HNF4A: variants seen among roughly 807,000 people sequenced by gnomAD.
The protein encoded by HNF4A is hepatocyte nuclear factor 4-alpha.
HNF4A carries 15 observed loss-of-function variants against 52.4 expected under a neutral mutation model. The observed-to-expected ratio is 0.29, with a 90% CI of 0.19 to 0.44. The LOEUF (loss-of-function observed/expected upper bound fraction) is 0.44. HNF4A is among the 20% of genes least tolerant of loss of function. The pLI, the probability that HNF4A is intolerant of heterozygous loss-of-function variation, is 1.00. For missense variants in HNF4A, 479 were observed against 647.2 expected (o/e 0.74, Z 2.82); for synonymous variants, 280 against 264.4 (o/e 1.06, Z -0.57).
intron 1 of HNF4A, among the ~76,000 whole-genome samples, chr20:44,360,818 T>G (rs2062908801): frequency 6.6e-6 from 1 of 152,218 alleles, no homozygotes; most frequent in Non-Finnish European, 1.5e-5. Context: ...GTGATGTGGC[T>G]CTGCCCCTTG....
chr20:44,358,071 C>T (rs2062876746), intron 1 of HNF4A, among the ~76,000 whole-genome samples: 1 of 148,114 alleles, frequency 6.8e-6, no homozygotes, highest in Non-Finnish European at 1.5e-5. Context: ...GGCTGAAAGA[C>T]CCTGATTTGA....
chr20:44,382,981 C>A (rs772074069), intron 1 of HNF4A, among the ~76,000 whole-genome samples: 1 of 152,122 alleles, frequency 6.6e-6, no homozygotes, highest in Non-Finnish European at 1.5e-5. Flanking sequence ...CCAGCCTGGG[C>A]AACATGGTGA....
chr20:44,410,187 G>A (rs554020752), intron 3 of HNF4A, among the ~76,000 whole-genome samples: 2 of 152,358 alleles, frequency 1.3e-5, no homozygotes, highest in African/African-American at 4.8e-5. Context: ...TAGGCTCCTG[G>A]AAGGGGGATG....
intron 4 of HNF4A, among the ~76,000 whole-genome samples, 187 bp downstream of exon 4, chr20:44,413,987 G>A (rs1340576779): frequency 2.6e-5 from 4 of 152,186 alleles, no homozygotes; most frequent in Non-Finnish European, 5.9e-5. Context: ...ATCGAACCTG[G>A]CGCCCTGGGG....
In HNF4A at chr20:44,430,994, T is replaced by G. The variant is rs1211497058; in HGVS notation, c.*1329T>G. ...CCTATTAACCTAGAGATTGTTTTTG[T>G]TTTTTATTCTCCTCCTCCCTCCCCG... On this transcript the variant is annotated 3_prime_UTR_variant, in exon 10 of 10. Transcript: ENST00000316099. 6.6e-6 allele frequency: 1 copy of G among 152,190 alleles called. No individual in the cohort carries two copies. The highest frequency in any genetic ancestry group is 2.4e-5 in the African/African-American group (1 of 41,412). 9.4% of individuals were successfully genotyped at this position (152,190 alleles called of 1,614,324 possible).
intron 1 of HNF4A, among the ~76,000 whole-genome samples, chr20:44,365,099 C>A (rs891366856): frequency 6.6e-6 from 1 of 152,296 alleles, no homozygotes; most frequent in Admixed American, 6.5e-5. Flanking sequence ...TCCCTCCACA[C>A]ACACACGTTA....
chr20:44,431,429 A>G lies in HNF4A; in HGVS notation c.*1764A>G, dbSNP rs2063876537. 6.6e-6 allele frequency: 1 copy of G among 152,388 alleles called. No individual in the cohort carries two copies. The highest frequency in any genetic ancestry group is 2.1e-4 in the South Asian group (1 of 4,820). 9.4% of individuals were successfully genotyped at this position (152,388 alleles called of 1,614,324 possible). On this transcript the variant is annotated 3_prime_UTR_variant, in exon 10 of 10. Transcript: ENST00000316099. ...CTTTTCTCTCTTCACTCCCCAAGTC[A>G]AGGGGAGGGGTGGCAGGGGTCTGTT... is the stretch of plus-strand genomic sequence containing the variant.
chr20:44,407,770 T>TGA (rs777347969), intron 3 of HNF4A, among the ~76,000 whole-genome samples: 3 of 151,740 alleles, frequency 2.0e-5, no homozygotes, highest in Non-Finnish European at 2.9e-5. Context: ...TGTGTGTGTG[T>TGA]GTGTGTGTGT....
At chr20:44,404,617 T>C (rs1423624039) in intron 1 of HNF4A, among the ~76,000 whole-genome samples, 1 of 151,654 alleles carries the variant, frequency 6.6e-6, no homozygotes, top group Non-Finnish European at 1.5e-5. Flanking sequence ...TATGTATGCA[T>C]GTGTGTGGAC....
intron 5 of HNF4A, among the ~76,000 whole-genome samples, chr20:44,416,793 C>T (rs370117599): frequency 1.3e-5 from 2 of 152,202 alleles, no homozygotes; most frequent in African/African-American, 4.8e-5. Flanking sequence ...CAAATGCCTT[C>T]TTTCCTCTAA....
At chr20:44,425,306 A>G (rs2063802330) in intron 8 of HNF4A, among the ~76,000 whole-genome samples, 1 of 151,942 alleles carries the variant, frequency 6.6e-6, no homozygotes, top group Non-Finnish European at 1.5e-5. Flanking sequence ...CAAACAAACC[A>G]CTCTGTTGGG....
chr20:44,356,503 A>G (rs2062860330), intron 1 of HNF4A, among the ~76,000 whole-genome samples: 1 of 152,192 alleles, frequency 6.6e-6, no homozygotes, highest in African/African-American at 2.4e-5. Flanking sequence ...GAAGACGGGT[A>G]AATAAAGCGT....
intron 5 of HNF4A, among the ~76,000 whole-genome samples, chr20:44,414,906 A>G (rs765381296): frequency 3.0e-4 from 45 of 152,170 alleles, no homozygotes; most frequent in Admixed American, 4.6e-4. Flanking sequence ...AGGTGAGGAG[A>G]TTGGGGCACA....
At chr20:44,390,734 G>A in intron 1 of HNF4A, 1 of 693,804 alleles carries the variant, frequency 1.4e-6, no homozygotes, top group Non-Finnish European at 2.6e-6. Flanking sequence ...GTAGGAGAGA[G>A]ACACAGAACC....
chr20:44,418,859 T>A (rs1040127117), intron 6 of HNF4A, among the ~76,000 whole-genome samples: 3 of 152,164 alleles, frequency 2.0e-5, no homozygotes, highest in Non-Finnish European at 4.4e-5. Context: ...CACTTCAGCC[T>A]CCACCCGCCA....
chr20:44,404,908 GGTGTGTGT>G (rs1219770837), intron 1 of HNF4A, among the ~76,000 whole-genome samples: 1 of 50,824 alleles, frequency 2.0e-5, no homozygotes, highest in African/African-American at 7.8e-5. Context: ...TGGTGTGTGT[GGTGTGTGT>G]GTGCTTGTGT....
chr20:44,422,016 A>G (rs1418594193), intron 7 of HNF4A, among the ~76,000 whole-genome samples: 1 of 151,724 alleles, frequency 6.6e-6, no homozygotes, highest in Non-Finnish European at 1.5e-5. Flanking sequence ...GGTACCTGTG[A>G]AGTAGGAATT....
At chr20:44,402,717 G>T (rs925362893) in intron 1 of HNF4A, 14 of 920,468 alleles carry the variant, frequency 1.5e-5, no homozygotes, top group Admixed American at 1.2e-4. Context: ...CAGCCTCAGA[G>T]GAGAGGGGGC....
At chr20:44,389,987 A>G (rs567208385) in intron 1 of HNF4A, 1 of 152,504 alleles carries the variant, frequency 6.6e-6, no homozygotes. Context: ...GGAGACTCAC[A>G]TTCACTGGAT....
Sources: gnomAD v4.1 joint callset for allele counts (sites outside exome capture counted in the v4.1 genomes callset) on GRCh38, gnomAD v4.1.1 for gene constraint, MANE v1.5 for transcripts, NCBI Gene and HGNC (gene_info 2026-07-23, HGNC 2026-07-21) for gene names.